Variants in TMEM272 observed in about 807,000 individuals in gnomAD.
TMEM272 encodes transmembrane protein 272.
In TMEM272, 8 loss-of-function variants were observed where a neutral mutation model predicts 3.7. That is an observed-to-expected ratio of 2.17 (90% CI 1.27 to 3.91). The LOEUF (loss-of-function observed/expected upper bound fraction) is 3.91, where lower values mean the gene tolerates loss of function less well. Ranked by LOEUF, TMEM272 falls within the 30% of genes most tolerant of loss-of-function variation. The pLI is 0.00. For missense variants in TMEM272, 166 were observed against 91.5 expected (o/e 1.81, Z -3.32); for synonymous variants, 63 against 39.8 (o/e 1.58, Z -2.20).
At chr13:51,888,674 C>A in the TMEM272 span, among the ~76,000 whole-genome samples, 5 of 112,032 alleles carry the variant, frequency 4.5e-5, no homozygotes, top group East Asian at 2.7e-4. Context: ...GAGATGGAGT[C>A]TCACACTGTC....
upstream of TMEM272, among the ~76,000 whole-genome samples, chr13:51,847,020 G>A (rs190780846): frequency 1.0e-3 from 156 of 152,222 alleles, no homozygotes; most frequent in African/African-American, 3.7e-3. Context: ...TCCATTCATG[G>A]TAAATGCCCT....
the TMEM272 span, among the ~76,000 whole-genome samples, chr13:51,921,910 G>C: frequency 6.6e-6 from 1 of 152,128 alleles, no homozygotes; most frequent in Non-Finnish European, 1.5e-5. Flanking sequence ...CCCACTGTGT[G>C]CGTGTGTGTG....
At chr13:51,926,463 C>T in the TMEM272 span, among the ~76,000 whole-genome samples, 5 of 152,214 alleles carry the variant, frequency 3.3e-5, no homozygotes, top group Non-Finnish European at 7.3e-5. Context: ...GTCCTCCCCA[C>T]TGCCGAGGTG....
the TMEM272 span, among the ~76,000 whole-genome samples, chr13:51,860,954 C>T: frequency 6.6e-6 from 1 of 151,560 alleles, no homozygotes; most frequent in Non-Finnish European, 1.5e-5. Flanking sequence ...GGTCCACTGA[C>T]AGATGAATGG....
the TMEM272 span, among the ~76,000 whole-genome samples, chr13:51,852,898 T>C: frequency 7.1e-6 from 1 of 140,246 alleles, no homozygotes; most frequent in Non-Finnish European, 1.5e-5. Flanking sequence ...AAAAAAAAAA[T>C]ACAGTTGACC....
the TMEM272 span, among the ~76,000 whole-genome samples, chr13:51,903,942 C>CGT: frequency 6.8e-3 from 933 of 136,650 alleles, 11 homozygotes; most frequent in African/African-American, 0.022. Context: ...CAGTCTTCCA[C>CGT]GTGTGTGTGT....
rs1956006450 is a variant in TMEM272 at position 51,815,148 on chromosome 13, A to C, written c.*1603T>G. 6.5e-6 allele frequency: 1 copy of C among 152,976 alleles called. No homozygotes were observed. The highest frequency in any genetic ancestry group is 2.4e-5 in the African/African-American group (1 of 41,460). The allele number at this position is 152,976 out of a possible 1,614,324, so 9.5% of individuals were successfully genotyped here. A position where few individuals can be genotyped will look rare whatever the true frequency, so the allele number is the denominator to read the frequency against. ...CAACACAGAGAGGGCAACGTGGGACACAGTGAGGATGGAATTGGGCATCAT... is the reference window on the plus strand; with the variant it reads ...CAACACAGAGAGGGCAACGTGGGACCCAGTGAGGATGGAATTGGGCATCAT... On this transcript the variant is annotated 3_prime_UTR_variant, in exon 5 of 5. Coordinates refer to ENST00000629372, the MANE Select transcript of TMEM272 (RefSeq NM_001351003.2).
rs529922820 is a variant in TMEM272, at chr13:51,824,705, C to A, written c.118+1861G>T. On this transcript the variant is annotated intron_variant, in intron 3 of 4. Coordinates refer to ENST00000629372, the MANE Select transcript of TMEM272 (RefSeq NM_001351003.2). ...CGGTGGCTCATGCCTGTCATCCCAG[C>A]GCTTTGGGAGGCCGAGGCGGGCAGA... Among the ~76,000 whole-genome samples the A allele has an allele frequency of 6.6e-5, 10 of 152,292 alleles. No homozygotes were observed. In the South Asian group the frequency reaches 2.1e-3, roughly 32 times the overall value.
At chr13:51,845,579 G>C (rs746623335), upstream of TMEM272, among the ~76,000 whole-genome samples, 5 of 152,198 alleles carry the variant, frequency 3.3e-5, no homozygotes, top group Admixed American at 6.5e-5. Context: ...AATTGATTCC[G>C]AGTCATTGCA....
the TMEM272 span, among the ~76,000 whole-genome samples, chr13:51,875,124 G>A: frequency 2.0e-5 from 3 of 152,216 alleles, no homozygotes; most frequent in Non-Finnish European, 2.9e-5. Context: ...TTGGTTGAGA[G>A]CTTACTCTGC....
rs1055259688 is a variant in TMEM272 at position 51,816,699 on chromosome 13, G to A, written c.*52C>T. Reference sequence around the variant, plus strand: ...TGTGCGTCTGTGTGTCTGTGTGCACGCGCGTGCATGCACACGCATATGCAT... The same window carrying A: ...TGTGCGTCTGTGTGTCTGTGTGCACACGCGTGCATGCACACGCATATGCAT... On this transcript the variant is annotated 3_prime_UTR_variant, in exon 5 of 5. Coordinates refer to ENST00000629372, the MANE Select transcript of TMEM272 (RefSeq NM_001351003.2). The A allele has an allele frequency of 3.5e-5, 23 of 650,218 alleles. No homozygotes were observed. The highest frequency in any genetic ancestry group is 1.1e-4 in the East Asian group (4 of 36,708). The allele number at this position is 650,218 out of a possible 1,614,324, so 40.3% of individuals were successfully genotyped here.
the TMEM272 span, among the ~76,000 whole-genome samples, chr13:51,900,976 A>C: frequency 6.6e-6 from 1 of 152,218 alleles, no homozygotes; most frequent in Non-Finnish European, 1.5e-5. Flanking sequence ...CATGACTCCT[A>C]ATGAGTACAG....
At chr13:51,854,511 G>T in the TMEM272 span, among the ~76,000 whole-genome samples, 1 of 152,098 alleles carries the variant, frequency 6.6e-6, no homozygotes, top group Admixed American at 6.5e-5. Context: ...TGACTCCCCA[G>T]CTATGATGCT....
the TMEM272 span, among the ~76,000 whole-genome samples, chr13:51,862,441 T>A: frequency 6.6e-6 from 1 of 152,258 alleles, no homozygotes; most frequent in Admixed American, 6.5e-5. Flanking sequence ...TTGATATGGT[T>A]CTTATTTTCT....
the TMEM272 span, among the ~76,000 whole-genome samples, chr13:51,857,176 C>T: frequency 6.6e-6 from 1 of 151,316 alleles, no homozygotes; most frequent in Admixed American, 6.6e-5. Context: ...ATGAAAGTGG[C>T]ATTTGTTTAC....
At chr13:51,881,871 TATTCC>T in the TMEM272 span, among the ~76,000 whole-genome samples, 737 of 152,216 alleles carry the variant, frequency 4.8e-3, 2 homozygotes, top group Non-Finnish European at 8.2e-3. Context: ...GAGGTTATGG[TATTCC>T]ATTACAGCAC....
At chr13:51,919,571 T>A in the TMEM272 span, among the ~76,000 whole-genome samples, 1 of 152,208 alleles carries the variant, frequency 6.6e-6, no homozygotes, top group Non-Finnish European at 1.5e-5. Flanking sequence ...TATCTGTAAT[T>A]TTTTTCACTC....
the TMEM272 span, among the ~76,000 whole-genome samples, chr13:51,930,950 C>A: frequency 3.3e-5 from 5 of 151,568 alleles, no homozygotes; most frequent in Non-Finnish European, 5.9e-5. Flanking sequence ...TGTCAATTTC[C>A]AGATGTCATT....
intron 4 of TMEM272, among the ~76,000 whole-genome samples, chr13:51,820,291 C>T (rs140860495): frequency 5.9e-5 from 9 of 152,254 alleles, no homozygotes; most frequent in East Asian, 1.9e-4. Context: ...ATGCATTTCA[C>T]GAAGGATGTT....
Sources: gnomAD v4.1 joint callset for allele counts (sites outside exome capture counted in the v4.1 genomes callset) on GRCh38, gnomAD v4.1.1 for gene constraint, MANE v1.5 for transcripts, NCBI Gene and HGNC (gene_info 2026-07-23, HGNC 2026-07-21) for gene names.